The following MYO10 variants were observed in gnomAD, a reference collection of about 807,000 sequenced individuals.
The protein encoded by MYO10 is unconventional myosin-X.
Under a neutral mutation model 257.3 loss-of-function variants are expected in MYO10, and 133 were observed. The observed-to-expected ratio is 0.52, with a 90% confidence interval of 0.45 to 0.60. The LOEUF is 0.60. Ranked by LOEUF, MYO10 falls within the 20% of genes least tolerant of loss-of-function variation. MYO10 has a pLI of 0.00. For synonymous variants in MYO10, 1,104 were observed against 1,028.6 expected (o/e 1.07, Z -1.40); for missense variants, 2,399 against 2,635.7 (o/e 0.91, Z 1.97).
At chr5:16,711,050 C>G in intron 20 of MYO10, 28 bp from the exon 21 acceptor site, 1 of 1,613,458 alleles carries the variant, frequency 6.2e-7, no homozygotes, top group Non-Finnish European at 8.5e-7. Flanking sequence ...ACAGGGTCAC[C>G]TTCTGCGATG....
intron 19 of MYO10, among the ~76,000 whole-genome samples, chr5:16,747,868 G>A (rs180693213): frequency 0.021 from 2,753 of 129,524 alleles, 87 homozygotes; most frequent in African/African-American, 0.069. Flanking sequence ...GCAGTGAGCC[G>A]AGATCGTGCC....
chr5:16,796,392 A>T (rs1254412515), intron 3 of MYO10, among the ~76,000 whole-genome samples: 1 of 150,170 alleles, frequency 6.7e-6, no homozygotes, highest in East Asian at 1.9e-4. Context: ...AACAGAACAC[A>T]ACACAAAAGA....
rs946881768 is a variant in MYO10 at position 16,927,980 on chromosome 5, T to G, written c.21+7808A>C. Among the ~76,000 whole-genome samples, 5 of 152,166 alleles carry G rather than the reference T, an allele frequency of 3.3e-5. No individual in the cohort carries two copies. The South Asian group carries it at 6.2e-4, about 19-fold the overall frequency. ...GTCCTGTCAATAACTGTTCCATGGGTATCGATAAGCTAACAAGCAAATGAT... is the reference window on the plus strand; with the variant it reads ...GTCCTGTCAATAACTGTTCCATGGGGATCGATAAGCTAACAAGCAAATGAT... On this transcript the variant is annotated intron_variant, in intron 1 of 40. Transcript: ENST00000513610.
intron 2 of MYO10, among the ~76,000 whole-genome samples, chr5:16,876,214 A>G (rs1180491212): frequency 6.6e-6 from 1 of 152,170 alleles, no homozygotes; most frequent in Non-Finnish European, 1.5e-5. Flanking sequence ...TTTAATATGT[A>G]CCTCTGAGGT....
intron 3 of MYO10, among the ~76,000 whole-genome samples, chr5:16,804,157 A>C (rs1322987904): frequency 6.6e-6 from 1 of 151,680 alleles, no homozygotes; most frequent in East Asian, 1.9e-4. Context: ...CAGCCTCATC[A>C]CCTCATCACC....
At chr5:16,921,937 G>A (rs530905018) in intron 1 of MYO10, among the ~76,000 whole-genome samples, 4 of 152,166 alleles carry the variant, frequency 2.6e-5, no homozygotes, top group South Asian at 4.2e-4. Context: ...AAAGGGGGCC[G>A]GGCACAGCAG....
At chr5:16,827,283 T>A (rs182809910) in intron 2 of MYO10, among the ~76,000 whole-genome samples, 43 of 152,264 alleles carry the variant, frequency 2.8e-4, no homozygotes, top group Admixed American at 9.2e-4. Flanking sequence ...GGGGTTAACA[T>A]TATCTTTTTT....
At chr5:16,728,118 G>C (rs536594122) in intron 19 of MYO10, among the ~76,000 whole-genome samples, 1 of 152,072 alleles carries the variant, frequency 6.6e-6, no homozygotes, top group African/African-American at 2.4e-5. Flanking sequence ...GCCGCCCTCC[G>C]CCATGGCTTC....
At chr5:16,779,368 A>AACTTGGAACAAGTTCATG (rs533244480) in intron 9 of MYO10, among the ~76,000 whole-genome samples, 177 bp downstream of exon 9, 1 of 152,066 alleles carries the variant, frequency 6.6e-6, no homozygotes, top group East Asian at 1.9e-4. Flanking sequence ...TTCAGCCTAG[A>AACTTGGAACAAGTTCATG]ACTTGGAACA....
At chr5:16,762,159 T>C in intron 15 of MYO10, 46 bp from the exon 16 acceptor site, 1 of 1,452,148 alleles carries the variant, frequency 6.9e-7, no homozygotes, top group Non-Finnish European at 9.0e-7. Flanking sequence ...ATGCCTTATT[T>C]CACTCACTGA....
chr5:16,706,170 G>A (rs569603236), intron 21 of MYO10, among the ~76,000 whole-genome samples: 98 of 152,182 alleles, frequency 6.4e-4, no homozygotes, highest in Non-Finnish European at 1.1e-3. Context: ...GCAACAGAGT[G>A]AGATTCTGTC....
chr5:16,697,711 G>A lies in MYO10; in HGVS notation c.3556+1739C>T, dbSNP rs1376000491. The stretch of plus-strand genomic sequence containing the variant: ...AGATCCTGTCTCAAAAAAAAAAAAG[G>A]TTTTCATGGTGGTGAAGACAAAAAA... On this transcript the variant is annotated intron_variant, in intron 26 of 40. Coordinates refer to ENST00000513610, the MANE Select transcript of MYO10 (RefSeq NM_012334.3). 5.1e-5 allele frequency among the ~76,000 whole-genome samples: 6 copies of A among 117,600 alleles called. No individual in the cohort carries two copies. The South Asian group carries it at 1.4e-3, about 27-fold the overall frequency. The allele number at this position is 117,600 out of a possible 152,430, so 77.2% of individuals were successfully genotyped here. A position where few individuals can be genotyped will look rare whatever the true frequency, so the allele number is the denominator to read the frequency against.
chr5:16,853,085 T>C (rs2126737968), intron 2 of MYO10, among the ~76,000 whole-genome samples: 1 of 152,218 alleles, frequency 6.6e-6, no homozygotes, highest in East Asian at 1.9e-4. Flanking sequence ...CATGATCATA[T>C]GTTGGCCGGG....
chr5:16,875,454 T>C (rs2126760373), intron 2 of MYO10, among the ~76,000 whole-genome samples: 1 of 152,294 alleles, frequency 6.6e-6, no homozygotes, highest in East Asian at 1.9e-4. Flanking sequence ...CTACAGATCA[T>C]ACTATACTAC....
chr5:16,735,806 T>A (rs1199100219), intron 19 of MYO10, among the ~76,000 whole-genome samples: 3 of 152,094 alleles, frequency 2.0e-5, no homozygotes, highest in Non-Finnish European at 4.4e-5. Flanking sequence ...TATCTTGGCA[T>A]CATGAACTAT....
At position 16,893,654 on chromosome 5, in the gene MYO10, A is replaced by AAAATTATT. The variant is rs1491144924; in HGVS notation, c.22-15955_22-15948dup. The stretch of plus-strand genomic sequence containing the variant: ...GTCTCAAAAAAAAAAAAAAAAAAAG[A>AAAATTATT]AAATTATTTCCCTCCTACAGCAAAA... On this transcript the variant is annotated intron_variant, in intron 1 of 40. Transcript: ENST00000513610. Among the ~76,000 whole-genome samples the AAAATTATT allele has an allele frequency of 3.3e-4, 50 of 151,194 alleles. No homozygotes were observed. In the South Asian group the frequency reaches 5.4e-3, roughly 16 times the overall value.
Position 16,818,043 on chromosome 5 carries a change from T to C in MYO10, c.245A>G (p.Asn82Ser). The C allele has an allele frequency of 6.2e-7, 1 of 1,602,842 alleles. No individual in the cohort carries two copies. Among genetic ancestry groups the C allele is most frequent in the Non-Finnish European group, 8.5e-7 (1 of 1,173,542 alleles). Residue 82 changes from asparagine to serine, a missense_variant, in exon 3 of 41, where the codon AAC (asparagine) becomes AGC (serine). Physicochemically the swap from Asn to Ser is conservative, Grantham distance 46. This residue lies in a region of MYO10 where 242 missense variants were observed against 249.5 expected (regional missense o/e 0.97). Transcript: ENST00000513610. ...TELHGGSIMYNLFQRYKRNQI... is the reference protein window; with the variant it reads ...TELHGGSIMYSLFQRYKRNQI... ...ATTTCTCTTATACCGCTGGAATAAG[T>C]TATACATGATGGAGCCGCCATGGAG...
At chr5:16,715,392 A>ATT (rs372307063) in intron 19 of MYO10, among the ~76,000 whole-genome samples, 1,955 of 84,316 alleles carry the variant, frequency 0.023, 122 homozygotes, top group African/African-American at 0.042. Flanking sequence ...TAAGATTGAA[A>ATT]TTTTTTTTTT....
At chr5:16,819,855 T>C (rs1314003365) in intron 2 of MYO10, among the ~76,000 whole-genome samples, 1 of 152,230 alleles carries the variant, frequency 6.6e-6, no homozygotes, top group Non-Finnish European at 1.5e-5. Context: ...ACTTCAGCAG[T>C]AGCATTTCTG....
Sources: allele counts gnomAD v4.1 joint callset (sites outside exome capture counted in the v4.1 genomes callset), GRCh38; gene constraint gnomAD v4.1.1; regional missense constraint gnomAD v4.1.1; transcripts MANE v1.5; gene names NCBI Gene and HGNC (gene_info 2026-07-23, HGNC 2026-07-21).